PRKCZ: variants seen among roughly 807,000 people sequenced by gnomAD.
PRKCZ encodes protein kinase C zeta.
A neutral mutation model predicts 79.5 loss-of-function variants in PRKCZ; 33 were observed. The ratio of observed to expected loss-of-function variants is 0.41; its 90% CI spans 0.31 to 0.55. PRKCZ has a LOEUF of 0.55. Among genes scored for constraint, PRKCZ ranks in the 20% least tolerant of loss-of-function variants. The pLI is 0.19. For missense variants in PRKCZ, 578 were observed against 813.5 expected, an observed-to-expected ratio of 0.71 and a Z score of 3.52; for synonymous variants, 342 against 320.9, an observed-to-expected ratio of 1.07 and a Z score of -0.70.
intron 3 of PRKCZ, among the ~76,000 whole-genome samples, chr1:2,057,758 G>A (rs1460561906): frequency 6.6e-6 from 1 of 152,140 alleles, no homozygotes; most frequent in Non-Finnish European, 1.5e-5. Flanking sequence ...AGGCTGGAGT[G>A]CAGTGGCACT....
chr1:2,089,434 G>A (rs1246932025), intron 4 of PRKCZ, among the ~76,000 whole-genome samples: 1 of 152,212 alleles, frequency 6.6e-6, no homozygotes, highest in African/African-American at 2.4e-5. Context: ...GGCACCACGA[G>A]GGGTGGCCTG....
chr1:2,089,093 G>A (rs866038824), intron 4 of PRKCZ, among the ~76,000 whole-genome samples: 8 of 152,146 alleles, frequency 5.3e-5, no homozygotes, highest in African/African-American at 1.2e-4. Context: ...GTTCTGTTCC[G>A]GGCTCATCGT....
chr1:2,074,301 T>C (rs2459986), intron 4 of PRKCZ: 1,343,631 of 1,549,864 alleles, frequency 0.87, 584,286 homozygotes, highest in East Asian at 1. Flanking sequence ...CTGGTGGATG[T>C]GTGGCGGTGG....
intron 4 of PRKCZ, chr1:2,116,184 C>CA (rs1281497870): frequency 6.6e-6 from 1 of 152,314 alleles, no homozygotes; most frequent in East Asian, 1.9e-4. Context: ...GTTGATGGCA[C>CA]AGTCACTCTG....
At chr1:2,182,159 G>A (rs1388703341) in intron 16 of PRKCZ, 1 of 231,226 alleles carries the variant, frequency 4.3e-6, no homozygotes, top group East Asian at 1.5e-4. Flanking sequence ...GTTCCCAAAA[G>A]CCTATGAGGG....
In PRKCZ at chr1:2,184,585, G is replaced by A. The variant is rs749692865; in HGVS notation, c.1578G>A (p.Leu526=). The A allele has an allele frequency of 6.2e-7, 1 of 1,613,458 alleles. No individual in the cohort carries two copies. The highest frequency in any genetic ancestry group is 1.1e-5 in the South Asian group (1 of 91,006). ...CCTTCTCCTATTGTTTTTCCAAGCT[G>A]GAGAAGAAGCAGGCGCTCCCTCCAT... ...AFFRSIDWDL[L]EKKQALPPFQ... The change falls in exon 17 of 18, where the codon CTG becomes CTA. Residue 526 remains leucine (L), a splice_region_variant and synonymous_variant. Transcript: ENST00000378567.
chr1:2,160,817 C>T (rs1419112158), intron 10 of PRKCZ, among the ~76,000 whole-genome samples: 27 of 152,142 alleles, frequency 1.8e-4, no homozygotes, highest in Non-Finnish European at 5.9e-5. Flanking sequence ...GTGGAGGACT[C>T]GGGGGTGCTG....
chr1:2,107,426 T>C (rs771155748), intron 4 of PRKCZ, among the ~76,000 whole-genome samples: 1 of 152,220 alleles, frequency 6.6e-6, no homozygotes. Context: ...CCGTGCCCGT[T>C]GGGCTGGGCT....
Position 2,092,074 on chromosome 1 carries a change from G to A in PRKCZ, c.334+32483G>A, listed in dbSNP as rs1041613441. 5.3e-5 allele frequency among the ~76,000 whole-genome samples: 8 copies of A among 152,126 alleles called. No homozygotes were observed. In the East Asian group the frequency reaches 1.2e-3, roughly 22 times the overall value. On this transcript the variant is annotated intron_variant, in intron 4 of 17. Transcript: ENST00000378567. ...TGTCCTTGCTGCCACCTGTGCGGCCGCAGAGTGAGACAGGAGGGACCGGCA... is the reference window on the plus strand; with the variant it reads ...TGTCCTTGCTGCCACCTGTGCGGCCACAGAGTGAGACAGGAGGGACCGGCA...
intron 5 of PRKCZ, 51 bp from the exon 6 acceptor site, chr1:2,144,159 C>T (rs1677994264): frequency 6.5e-7 from 1 of 1,542,190 alleles, no homozygotes; most frequent in African/African-American, 1.4e-5. Context: ...CCTGTCCTCT[C>T]CGCTGGCCCC....
At chr1:2,052,130 T>C (rs1659723720) in intron 1 of PRKCZ, among the ~76,000 whole-genome samples, 2 of 152,164 alleles carry the variant, frequency 1.3e-5, no homozygotes, top group Admixed American at 6.5e-5. Context: ...CAACAGGTGA[T>C]GGTGCGGAGC....
intron 10 of PRKCZ, among the ~76,000 whole-genome samples, chr1:2,160,727 C>T (rs1030585040): frequency 6.6e-6 from 1 of 152,040 alleles, no homozygotes; most frequent in African/African-American, 2.4e-5. Flanking sequence ...GGGGCCTGTC[C>T]CCATGTGGGG....
chr1:2,077,711 C>T (rs932533007), intron 4 of PRKCZ, among the ~76,000 whole-genome samples: 6 of 152,252 alleles, frequency 3.9e-5, no homozygotes, highest in Admixed American at 2.0e-4. Flanking sequence ...GAGGGGATCA[C>T]AGCAGTTTCT....
Position 2,055,448 on chromosome 1 carries a change from T to C in PRKCZ, c.79T>C (p.Phe27Leu). 1 of 1,612,640 alleles carries C rather than the reference T, an allele frequency of 6.2e-7. No homozygotes were observed. Among genetic ancestry groups the C allele is most frequent in the Non-Finnish European group, 8.5e-7 (1 of 1,179,168 alleles). The part of the protein sequence containing the change: ...RLKAHYGGDI[F>L]ITSVDAATTF... Reference sequence around the variant, plus strand: ...ATGTCCCCTCTGCCCCAGGGACATCTTCATCACCAGCGTGGACGCCGCCAC... The same window carrying C: ...ATGTCCCCTCTGCCCCAGGGACATCCTCATCACCAGCGTGGACGCCGCCAC... Residue 27 changes from phenylalanine to leucine, a missense_variant, in exon 2 of 18, where the codon TTC becomes CTC. This residue lies in a region of PRKCZ where 228 missense variants were observed against 211.6 expected (regional missense o/e 1.08). Transcript: ENST00000378567.
rs1253329731 is a variant in PRKCZ at position 2,102,326 on chromosome 1, GTTTGT to G, written c.335-32917_335-32913del. Reference sequence around the variant, plus strand: ...CGTTTTTTATTGCGTTTTTTTTTTTGTTTGTTTTGTTTTGTTTTGTTTTTGAGATG... The same window carrying G: ...CGTTTTTTATTGCGTTTTTTTTTTTGTTTGTTTTGTTTTGTTTTTGAGATG... On this transcript the variant is annotated intron_variant, in intron 4 of 17. Coordinates refer to ENST00000378567, the MANE Select transcript of PRKCZ (RefSeq NM_002744.6). Among the ~76,000 whole-genome samples the G allele has an allele frequency of 3.6e-5, 5 of 138,538 alleles. No individual in the cohort carries two copies. In the South Asian group the frequency reaches 6.9e-4, roughly 19 times the overall value. The allele number at this position is 138,538 out of a possible 152,430, so 90.9% of individuals were successfully genotyped here. A position where few individuals can be genotyped will look rare whatever the true frequency, so the allele number is the denominator to read the frequency against.
intron 4 of PRKCZ, among the ~76,000 whole-genome samples, chr1:2,122,498 C>T (rs201874426): frequency 0.043 from 78 of 1,814 alleles, 28 homozygotes; most frequent in Middle Eastern, 0.25. Context: ...GTTAGGGTCA[C>T]GGTGGTAGTT....
chr1:2,170,731 C>T (rs749599867), intron 11 of PRKCZ, among the ~76,000 whole-genome samples: 6 of 152,214 alleles, frequency 3.9e-5, no homozygotes, highest in Non-Finnish European at 5.9e-5. Context: ...GGGACCTCAT[C>T]GGAGTGGAAT....
At chr1:2,104,179 G>A (rs2102619398) in intron 4 of PRKCZ, among the ~76,000 whole-genome samples, 1 of 152,328 alleles carries the variant, frequency 6.6e-6, no homozygotes, top group African/African-American at 2.4e-5. Context: ...CAGGGGCTGA[G>A]GCTTGCAGGG....
In PRKCZ at chr1:2,173,834, C is replaced by T; in HGVS notation, c.1286-63C>T. ...ACTGGGCATGAAAACCAACGCCAGCCAGGTTCGTCCTGCTGCCGGCCCATG... is the reference window on the plus strand; with the variant it reads ...ACTGGGCATGAAAACCAACGCCAGCTAGGTTCGTCCTGCTGCCGGCCCATG... On this transcript the variant is annotated intron_variant, in intron 13 of 17. Coordinates refer to ENST00000378567, the MANE Select transcript of PRKCZ (RefSeq NM_002744.6). The surrounding 1 kb of genome is among the most constrained non-coding windows in gnomAD (Gnocchi z 5.7). 1 of 1,510,594 alleles carries T rather than the reference C, an allele frequency of 6.6e-7. No homozygotes were observed. 93.6% of individuals were successfully genotyped at this position (1,510,594 alleles called of 1,614,324 possible). A position where few individuals can be genotyped will look rare whatever the true frequency, so the allele number is the denominator to read the frequency against.
Sources: gnomAD v4.1 joint callset for allele counts (sites outside exome capture counted in the v4.1 genomes callset) on GRCh38, gnomAD v4.1.1 for gene constraint, gnomAD v4.1.1 regional missense constraint, Gnocchi (gnomAD v3.1) non-coding constraint, MANE v1.5 for transcripts, NCBI Gene and HGNC (gene_info 2026-07-23, HGNC 2026-07-21) for gene names.